The following DOCK2 variants were observed in gnomAD, a reference collection of about 807,000 sequenced individuals.
The protein encoded by DOCK2 is dedicator of cytokinesis protein 2.
Under a neutral mutation model 248.9 loss-of-function variants are expected in DOCK2, and 87 were observed. The observed-to-expected ratio is 0.35, with a 90% CI of 0.29 to 0.42. The LOEUF is 0.42. Ranked by LOEUF, DOCK2 falls within the 10% of genes least tolerant of loss-of-function variation. The probability of loss-of-function intolerance (pLI) is 1.00; values close to 1 mark genes in which losing one functional copy is unlikely to be tolerated. For synonymous variants in DOCK2, 805 were observed against 821.6 expected, an observed-to-expected ratio of 0.98 and a Z score of 0.35; for missense variants, 1,747 against 2,300.2, an observed-to-expected ratio of 0.76 and a Z score of 4.92.
At chr5:170,068,996 G>A in intron 45 of DOCK2, 141 bp from the exon 46 acceptor site, 1 of 692,070 alleles carries the variant, frequency 1.4e-6, no homozygotes, top group Non-Finnish European at 2.5e-6. Flanking sequence ...AGTCTCTCCA[G>A]ACCTGTTACT....
At chr5:169,655,029 G>A (rs551495544) in intron 2 of DOCK2, among the ~76,000 whole-genome samples, 15 of 152,362 alleles carry the variant, frequency 9.8e-5, no homozygotes, top group African/African-American at 3.6e-4. Context: ...CTACTGGGCT[G>A]CGTCCACCCA....
At chr5:170,080,422 C>T (rs1757987807) in intron 50 of DOCK2, 139 bp downstream of exon 50, 1 of 1,312,224 alleles carries the variant, frequency 7.6e-7, no homozygotes, top group Non-Finnish European at 1.0e-6. Context: ...TGCTCATAGC[C>T]ACCCACCCTC....
At chr5:170,045,991 T>C in intron 39 of DOCK2, 86 bp downstream of exon 39, 1 of 1,280,540 alleles carries the variant, frequency 7.8e-7, no homozygotes. Context: ...GAGATGGGCA[T>C]GAGGGCCAGG....
chr5:169,950,958 G>A (rs1341474404), intron 27 of DOCK2, among the ~76,000 whole-genome samples: 1 of 152,198 alleles, frequency 6.6e-6, no homozygotes, highest in Admixed American at 6.5e-5. Context: ...TGAATTTGAT[G>A]AGACTATATA....
chr5:170,062,292 GCAA>G (rs1340672706), intron 44 of DOCK2, among the ~76,000 whole-genome samples: 2 of 152,058 alleles, frequency 1.3e-5, no homozygotes, highest in Non-Finnish European at 2.9e-5. Flanking sequence ...AAGACAATTA[GCAA>G]CATAGCAGAC....
At chr5:169,890,256 G>A (rs1436959210) in intron 27 of DOCK2, among the ~76,000 whole-genome samples, 1 of 152,194 alleles carries the variant, frequency 6.6e-6, no homozygotes, top group Non-Finnish European at 1.5e-5. Flanking sequence ...CTAAAGTGTA[G>A]GGATATGTCT....
intron 27 of DOCK2, among the ~76,000 whole-genome samples, chr5:169,939,771 T>C (rs150476821): frequency 0.012 from 1,891 of 152,302 alleles, 35 homozygotes; most frequent in Non-Finnish European, 0.018. Flanking sequence ...AACTCAGCTC[T>C]ATATTAAGGT....
chr5:169,907,877 C>T (rs1217044038), intron 27 of DOCK2, among the ~76,000 whole-genome samples: 1 of 152,212 alleles, frequency 6.6e-6, no homozygotes, highest in Non-Finnish European at 1.5e-5. Context: ...ATGCTCTAAA[C>T]ATCCTACAAC....
chr5:169,797,328 A>G (rs1193501257), intron 25 of DOCK2, among the ~76,000 whole-genome samples: 1 of 152,232 alleles, frequency 6.6e-6, no homozygotes, highest in Non-Finnish European at 1.5e-5. Context: ...GTGGTTTTCC[A>G]AAGTGACAAA....
At chr5:170,048,081 T>G (rs1163176431) in intron 40 of DOCK2, among the ~76,000 whole-genome samples, 1 of 152,216 alleles carries the variant, frequency 6.6e-6, no homozygotes, top group African/African-American at 2.4e-5. Context: ...TTTTTTGAAG[T>G]GTTCATTTAT....
intron 38 of DOCK2, among the ~76,000 whole-genome samples, chr5:170,044,128 A>C (rs1005230978): frequency 2.0e-5 from 3 of 152,166 alleles, no homozygotes; most frequent in Non-Finnish European, 4.4e-5. Context: ...CTCCTCAGGG[A>C]GGCTCATTGC....
chr5:170,002,008 A>T (rs1413151729), intron 30 of DOCK2, among the ~76,000 whole-genome samples: 2 of 152,340 alleles, frequency 1.3e-5, no homozygotes, highest in South Asian at 2.1e-4. Context: ...AGACTCAGAA[A>T]GGTAGGGTAC....
At chr5:169,947,477 G>A (rs1012518538) in intron 27 of DOCK2, among the ~76,000 whole-genome samples, 5 of 152,178 alleles carry the variant, frequency 3.3e-5, no homozygotes, top group African/African-American at 1.2e-4. Flanking sequence ...TGAAAGCACA[G>A]GCTCAGAGAG....
chr5:169,868,781 G>A (rs569020662), intron 27 of DOCK2, among the ~76,000 whole-genome samples: 3 of 152,290 alleles, frequency 2.0e-5, no homozygotes, highest in Admixed American at 6.5e-5. Context: ...TGATATTAAT[G>A]CTCTGGATGA....
At chr5:169,638,883 C>G (rs897240045) in intron 1 of DOCK2, among the ~76,000 whole-genome samples, 1 of 152,148 alleles carries the variant, frequency 6.6e-6, no homozygotes, top group African/African-American at 2.4e-5. Flanking sequence ...TCTTCAGACC[C>G]TAGGCCCTTT....
At chr5:169,847,723 T>C (rs189804474) in intron 27 of DOCK2, among the ~76,000 whole-genome samples, 191 of 152,316 alleles carry the variant, frequency 1.3e-3, no homozygotes, top group African/African-American at 4.4e-3. Flanking sequence ...CCCTGGCTGA[T>C]TGGGGATGGC....
intron 6 of DOCK2, among the ~76,000 whole-genome samples, chr5:169,676,032 G>C (rs1337332462): frequency 6.6e-6 from 1 of 152,220 alleles, no homozygotes; most frequent in African/African-American, 2.4e-5. Flanking sequence ...TTGCAGCTGA[G>C]TGTGTGGGAA....
intron 33 of DOCK2, among the ~76,000 whole-genome samples, chr5:170,026,625 T>C (rs934966768): frequency 6.6e-6 from 1 of 152,150 alleles, no homozygotes; most frequent in Non-Finnish European, 1.5e-5. Context: ...AATACTAAAA[T>C]AGTAAAAACC....
intron 10 of DOCK2, among the ~76,000 whole-genome samples, chr5:169,697,443 C>G (rs997739066): frequency 6.6e-6 from 1 of 152,218 alleles, no homozygotes; most frequent in African/African-American, 2.4e-5. Flanking sequence ...GCCCCAGGAG[C>G]TTTAATATAG....
Sources: allele counts gnomAD v4.1 joint callset (sites outside exome capture counted in the v4.1 genomes callset), GRCh38; gene constraint gnomAD v4.1.1; transcripts MANE v1.5; gene names NCBI Gene and HGNC (gene_info 2026-07-23, HGNC 2026-07-21).